Variants in TCP1 observed in about 807,000 individuals in gnomAD.
TCP1 encodes the protein T-complex protein 1 subunit alpha.
TCP1 carries 6 observed loss-of-function variants against 54.7 expected under a neutral mutation model. That is an observed-to-expected ratio of 0.11 (90% CI 0.06 to 0.22). The LOEUF (loss-of-function observed/expected upper bound fraction) is 0.22. Ranked by LOEUF, TCP1 falls within the 10% of genes least tolerant of loss-of-function variation. The pLI, the probability that TCP1 is intolerant of heterozygous loss-of-function variation, is 1.00. For missense variants in TCP1, 511 were observed against 678.2 expected, an observed-to-expected ratio of 0.75 and a Z score of 2.74; for synonymous variants, 225 against 229.7, an observed-to-expected ratio of 0.98 and a Z score of 0.19.
chr6:159,778,814 T>A lies in TCP1; in HGVS notation c.*231A>T. On this transcript the variant is annotated 3_prime_UTR_variant, in exon 12 of 12. Transcript: ENST00000321394. ...GGGGTGGGATGGGAATAGCAATGTG[T>A]GTTCAGAGAGAATGAATTGCTTAAA... The A allele has an allele frequency of 6.2e-7, 1 of 1,614,210 alleles. No homozygotes were observed. The highest frequency in any genetic ancestry group is 8.5e-7 in the Non-Finnish European group (1 of 1,180,038).
chr6:159,780,257 T>A, intron 9 of TCP1, 170 bp from the exon 10 acceptor site: 1 of 1,216,668 alleles, frequency 8.2e-7, no homozygotes, highest in Non-Finnish European at 1.2e-6. Context: ...AAACAATGTC[T>A]AGTCCCTGCA....
chr6:159,787,981 G>C (rs918555693), intron 2 of TCP1, 77 bp downstream of exon 2: 1 of 1,606,476 alleles, frequency 6.2e-7, no homozygotes, highest in Non-Finnish European at 8.5e-7. Context: ...TTCTGATAAA[G>C]TCAAAGAAAG....
At position 159,780,010 on chromosome 6, in the gene TCP1, A is replaced by G. The variant is rs1780533755; in HGVS notation, c.1175T>C (p.Leu392Ser). 2 of 1,614,158 alleles carry G rather than the reference A, an allele frequency of 1.2e-6. No individual in the cohort carries two copies. The highest frequency in any genetic ancestry group is 1.1e-5 in the South Asian group (1 of 91,084). Residue 392 changes from leucine to serine, a missense_variant, in exon 10 of 12, where the codon TTA becomes TCA. By Grantham distance (145) the Leu-to-Ser change is moderately radical (BLOSUM62 -2). This residue lies in a region of TCP1 where 305 missense variants were observed against 352.8 expected (regional missense o/e 0.86). Coordinates refer to ENST00000321394, the MANE Select transcript of TCP1 (RefSeq NM_030752.3). The part of the protein sequence containing the change: ...DFMCDEMERS[L>S]HDALCVVKRV... ...CTTCACTACACAAAGTGCATCATGT[A>G]AAGAGCGCTCCATCTCATCACACAT... is the stretch of plus-strand genomic sequence containing the variant.
Position 159,778,787 on chromosome 6 carries a change from T to C in TCP1, c.*258A>G, listed in dbSNP as rs1363740629. ...GTCGTGGTGTTGCAGCCCTGTGCATTGGGGGTGGGATGGGAATAGCAATGT... is the reference window on the plus strand; with the variant it reads ...GTCGTGGTGTTGCAGCCCTGTGCATCGGGGGTGGGATGGGAATAGCAATGT... On this transcript the variant is annotated 3_prime_UTR_variant, in exon 12 of 12. Transcript: ENST00000321394. The C allele has an allele frequency of 3.6e-5, 58 of 1,614,028 alleles. No homozygotes were observed. Among genetic ancestry groups the C allele is most frequent in the Non-Finnish European group, 4.8e-5 (57 of 1,180,038 alleles).
chr6:159,780,953 T>C lies in TCP1; in HGVS notation c.955A>G (p.Ile319Val), dbSNP rs1413990288. 1 of 1,604,396 alleles carries C rather than the reference T, an allele frequency of 6.2e-7. No homozygotes were observed. The change falls in exon 8 of 12, where the codon ATT (isoleucine) becomes GTT (valine). Residue 319 changes from isoleucine (I) to valine (V), a missense_variant. By Grantham distance (29) the Ile-to-Val change is conservative. Transcript: ENST00000321394. The stretch of plus-strand genomic sequence containing the variant: ...GACATACCTCCAGAAGCTTTGGCAA[T>C]GCGTTTAAGGTCCCTTTTTAAAACT... ...RRVLKRDLKR[I>V]AKASGATILS...
chr6:159,779,080 C>T lies in TCP1; in HGVS notation c.1636G>A (p.Glu546Lys). 6.2e-7 allele frequency: 1 copy of T among 1,614,076 alleles called. No homozygotes were observed. Among genetic ancestry groups the T allele is most frequent in the Non-Finnish European group, 8.5e-7 (1 of 1,179,952 alleles). Residue 546 changes from glutamate (E) to lysine (K), a missense_variant, in exon 12 of 12, where the codon GAA becomes AAA. Transcript: ENST00000321394. ...AGGGCTCCAGAGTGAACAGCATCTT[C>T]ATAACTTCCATGTTTATCATCTTTA... Reference protein sequence around the residue: ...ESKDDKHGSYEDAVHSGALND With the variant: ...ESKDDKHGSYKDAVHSGALND
chr6:159,789,595 G>A lies in TCP1; in HGVS notation c.-127C>T, dbSNP rs1780802804. The A allele has an allele frequency of 4.3e-6, 5 of 1,167,702 alleles. No homozygotes were observed. The Admixed American group carries it at 6.0e-5, about 14-fold the overall frequency. The allele number at this position is 1,167,702 out of a possible 1,614,324, so 72.3% of individuals were successfully genotyped here. On this transcript the variant is annotated 5_prime_UTR_variant, in exon 1 of 12. Transcript: ENST00000321394. ...GGAGCGTACCCGAGCGATGTCCCAG[G>A]AGCTACTGGGTAACACACCACCCCA... is the stretch of plus-strand genomic sequence containing the variant.
At chr6:159,785,310 G>C in intron 5 of TCP1, 76 bp downstream of exon 5, 1 of 1,117,050 alleles carries the variant, frequency 9.0e-7, no homozygotes, top group Non-Finnish European at 1.4e-6. Context: ...TGGGACTACA[G>C]GCACATACCA....
At position 159,778,914 on chromosome 6, in the gene TCP1, A is replaced by G; in HGVS notation, c.*131T>C. The G allele has an allele frequency of 6.3e-7, 1 of 1,582,202 alleles. No individual in the cohort carries two copies. Among genetic ancestry groups the G allele is most frequent in the African/African-American group, 1.3e-5 (1 of 74,294 alleles). ...ATATGTGAAATCAGAGGACCAAAGT[A>G]CAGATGGAAACCATTTCCTACATCA... On this transcript the variant is annotated 3_prime_UTR_variant, in exon 12 of 12. Coordinates refer to ENST00000321394, the MANE Select transcript of TCP1 (RefSeq NM_030752.3).
chr6:159,787,991 G>A (rs1255657418), intron 2 of TCP1, 67 bp downstream of exon 2: 2 of 1,607,646 alleles, frequency 1.2e-6, no homozygotes, highest in African/African-American at 1.3e-5. Flanking sequence ...GTCAAAGAAA[G>A]AACATAGCAA....
rs763937575 is a variant in TCP1 at position 159,788,065 on chromosome 6, T to A, written c.143A>T (p.Asp48Val). 6.2e-7 allele frequency: 1 copy of A among 1,614,134 alleles called. No individual in the cohort carries two copies. The highest frequency in any genetic ancestry group is 8.5e-7 in the Non-Finnish European group (1 of 1,180,000). The change falls in exon 2 of 12, where the codon GAT becomes GTT. Residue 48 changes from aspartate (D) to valine (V), a missense_variant. Asp to Val is a radical substitution (Grantham distance 152). Around this residue, in one of 5 missense-constraint regions of TCP1, gnomAD observed 54 missense variants for 111.8 expected, o/e 0.48. Transcript: ENST00000321394. ...PVGLDKMLVD[D>V]IGDVTITNDG... is the part of the protein sequence containing the mutation. ...ACAGTTATGTGTACTTACACCAATATCATCCACCAACATTTTATCCAAGCC... is the reference window on the plus strand; with the variant it reads ...ACAGTTATGTGTACTTACACCAATAACATCCACCAACATTTTATCCAAGCC...
chr6:159,785,072 C>A, intron 5 of TCP1: 1 of 613,958 alleles, frequency 1.6e-6, no homozygotes, highest in East Asian at 2.8e-5. Context: ...GGGAAGGCAA[C>A]AGGTAATTTC....
At position 159,779,347 on chromosome 6, in the gene TCP1, G is replaced by A. The variant is rs1484150041; in HGVS notation, c.1455-86C>T. The A allele has an allele frequency of 4.7e-6, 6 of 1,271,182 alleles. No homozygotes were observed. In the Admixed American group the frequency reaches 7.8e-5, roughly 17 times the overall value. 78.7% of individuals were successfully genotyped at this position (1,271,182 alleles called of 1,614,324 possible). On this transcript the variant is annotated intron_variant, in intron 11 of 11. Transcript: ENST00000321394. ...TCCAGCATTTCATTCAAGTATTAAG[G>A]TTGATTTTTAAATCAGACTAGAGAT... is the stretch of plus-strand genomic sequence containing the variant.
intron 3 of TCP1, among the ~76,000 whole-genome samples, chr6:159,786,473 T>G (rs1023569839): frequency 1.3e-5 from 2 of 152,190 alleles, no homozygotes; most frequent in Non-Finnish European, 2.9e-5. Flanking sequence ...AACACATCTA[T>G]TACCTTTAGA....
chr6:159,779,583 A>C, intron 11 of TCP1, 44 bp downstream of exon 11: 1 of 1,551,206 alleles, frequency 6.4e-7, no homozygotes, highest in South Asian at 1.2e-5. Flanking sequence ...TTTTAATGCA[A>C]CCTGTTCTGC....
At chr6:159,785,281 C>T in intron 5 of TCP1, 105 bp downstream of exon 5, 1 of 860,840 alleles carries the variant, frequency 1.2e-6, no homozygotes, top group South Asian at 1.5e-5. Context: ...AATACTCCTA[C>T]CTCAGCCTCC....
Position 159,780,472 on chromosome 6 carries a change from A to T in TCP1, c.1068T>A (p.Ile356=), listed in dbSNP as rs757583129. The stretch of plus-strand genomic sequence containing the variant: ...TGATTAAGATCAGCTCATCATCACA[A>T]ATTCTCTCCTGTACCACTTCTTCTG... ...GQAEEVVQER[I]CDDELILIKN... Residue 356 remains isoleucine, a synonymous_variant, in exon 9 of 12, where the codon ATT becomes ATA. Coordinates refer to ENST00000321394, the MANE Select transcript of TCP1 (RefSeq NM_030752.3). 6.2e-7 allele frequency: 1 copy of T among 1,614,012 alleles called. No individual in the cohort carries two copies. The highest frequency in any genetic ancestry group is 1.1e-5 in the South Asian group (1 of 91,056).
In TCP1 at chr6:159,779,054, A is replaced by G; in HGVS notation, c.1662T>C (p.Leu554=). Residue 554 remains leucine, a synonymous_variant, in exon 12 of 12, where the codon CTT becomes CTC. Transcript: ENST00000321394. ...TAAAAGGAACATCAGATCAATCATT[A>G]AGGGCTCCAGAGTGAACAGCATCTT... is the stretch of plus-strand genomic sequence containing the variant. The part of the protein sequence containing the change: ...SYEDAVHSGA[L]ND 6.2e-7 allele frequency: 1 copy of G among 1,613,120 alleles called. No homozygotes were observed. The highest frequency in any genetic ancestry group is 8.5e-7 in the Non-Finnish European group (1 of 1,179,264).
rs1300629581 is a variant in TCP1, at chr6:159,778,997, T to G, written c.*48A>C. On this transcript the variant is annotated 3_prime_UTR_variant, in exon 12 of 12. Transcript: ENST00000321394. ...TTAATGTGTAATACTCAACTCAAGG[T>G]ACAAGACAATTGCATTTAACATTGT... is the stretch of plus-strand genomic sequence containing the variant. 1.3e-6 allele frequency: 2 copies of G among 1,590,292 alleles called. No individual in the cohort carries two copies. Among genetic ancestry groups the G allele is most frequent in the East Asian group, 4.5e-5 (2 of 44,662 alleles).
Sources: gnomAD v4.1 joint callset for allele counts (sites outside exome capture counted in the v4.1 genomes callset) on GRCh38, gnomAD v4.1.1 for gene constraint, gnomAD v4.1.1 regional missense constraint, MANE v1.5 for transcripts, NCBI Gene and HGNC (gene_info 2026-07-23, HGNC 2026-07-21) for gene names.